Variants in PCDHA6 observed in about 807,000 individuals in gnomAD.
PCDHA6 encodes the protein protocadherin alpha-6.
In PCDHA6, 55 loss-of-function variants were observed where a neutral mutation model predicts 60.3. The observed-to-expected ratio is 0.91, with a 90% CI of 0.73 to 1.14. The LOEUF (loss-of-function observed/expected upper bound fraction) is 1.14, where lower values mean the gene tolerates loss of function less well. Ranked by LOEUF, PCDHA6 falls within the 50% of genes most tolerant of loss-of-function variation. The pLI is 0.00. For synonymous variants in PCDHA6, 652 were observed against 557.9 expected (o/e 1.17, Z -2.38); for missense variants, 1,327 against 1,256.5 (o/e 1.06, Z -0.85).
intron 1 of PCDHA6, among the ~76,000 whole-genome samples, chr5:140,873,504 T>TTTTTTTTTTTTTTTTTTTTTTTGAG: frequency 6.6e-6 from 1 of 152,256 alleles, no homozygotes; most frequent in South Asian, 2.1e-4. Context: ...TTGTGTCTTT[T>TTTTTTTTTTTTTTTTTTTTTTTGAG]ATACTTAATG....
In PCDHA6 at chr5:140,982,542, A is replaced by T; in HGVS notation, c.2521A>T (p.Thr841Ser). 6.2e-7 allele frequency: 1 copy of T among 1,614,210 alleles called. No individual in the cohort carries two copies. Among genetic ancestry groups the T allele is most frequent in the Non-Finnish European group, 8.5e-7 (1 of 1,180,042 alleles). The change falls in exon 3 of 4, where the codon ACA becomes TCA. Residue 841 changes from threonine (T) to serine (S), a missense_variant. Transcript: ENST00000529310. ...AGGAGGGCCTGATCAGCAGTGGCCA[A>T]CAGTATCCAGTGCAACACCAGGTAA... is the stretch of plus-strand genomic sequence containing the variant. The part of the protein sequence containing the change: ...GPGGPDQQWP[T>S]VSSATPEPEA...
intron 1 of PCDHA6, among the ~76,000 whole-genome samples, chr5:140,895,055 A>T (rs1313066261): frequency 2.0e-5 from 3 of 152,118 alleles, no homozygotes; most frequent in Non-Finnish European, 4.4e-5. Flanking sequence ...ATTCTGCTTC[A>T]TATGGACTCA....
intron 1 of PCDHA6, chr5:140,969,130 C>A (rs1353677478): frequency 2.5e-6 from 4 of 1,614,132 alleles, no homozygotes; most frequent in Non-Finnish European, 1.7e-6. Context: ...GCTCCCTCAC[C>A]AAGACCTACT....
At chr5:140,928,332 C>T in intron 1 of PCDHA6, 1 of 1,614,182 alleles carries the variant, frequency 6.2e-7, no homozygotes, top group Non-Finnish European at 8.5e-7. Context: ...ATGGCCTTGT[C>T]TCTTATGAGC....
chr5:140,839,283 C>A (rs1309701563), intron 1 of PCDHA6, among the ~76,000 whole-genome samples: 1 of 151,960 alleles, frequency 6.6e-6, no homozygotes, highest in Non-Finnish European at 1.5e-5. Context: ...ACCTTCCTAG[C>A]ATATTATTAA....
intron 3 of PCDHA6, among the ~76,000 whole-genome samples, chr5:141,005,899 A>G (rs2098245270): frequency 6.6e-6 from 1 of 151,978 alleles, no homozygotes; most frequent in East Asian, 1.9e-4. Flanking sequence ...TCAAGCAATG[A>G]TTGCACCACT....
At chr5:140,902,905 G>A (rs933013740) in intron 1 of PCDHA6, among the ~76,000 whole-genome samples, 3 of 152,174 alleles carry the variant, frequency 2.0e-5, no homozygotes, top group Admixed American at 6.5e-5. Flanking sequence ...TTTAGTTTAT[G>A]GCTGAGTAGT....
Position 140,843,481 on chromosome 5 carries a change from G to A in PCDHA6, c.2394+12996G>A, listed in dbSNP as rs1554140132. ...TGCTCACGCTGCTGCTGTACACTGCGCTGCGGTGCTCAGCACTGCCCACTG... is the reference window on the plus strand; with the variant it reads ...TGCTCACGCTGCTGCTGTACACTGCACTGCGGTGCTCAGCACTGCCCACTG... On this transcript the variant is annotated intron_variant, in intron 1 of 3. Transcript: ENST00000529310. 3.1e-6 allele frequency: 5 copies of A among 1,595,902 alleles called. 1 individual carries two copies. The Admixed American group carries it at 8.4e-5, about 27-fold the overall frequency.
chr5:141,005,000 G>A (rs2098192261), intron 3 of PCDHA6, among the ~76,000 whole-genome samples: 1 of 152,176 alleles, frequency 6.6e-6, no homozygotes, highest in Non-Finnish European at 1.5e-5. Context: ...GGTCTCCTAA[G>A]CCCTGAGAGC....
At chr5:140,838,559 T>C (rs1251865837) in intron 1 of PCDHA6, among the ~76,000 whole-genome samples, 1 of 152,048 alleles carries the variant, frequency 6.6e-6, no homozygotes, top group Non-Finnish European at 1.5e-5. Context: ...ATTCATCCAG[T>C]ACTGTATTAG....
intron 3 of PCDHA6, among the ~76,000 whole-genome samples, chr5:140,994,883 A>T (rs1197020328): frequency 6.6e-6 from 1 of 152,222 alleles, no homozygotes; most frequent in Non-Finnish European, 1.5e-5. Flanking sequence ...AAGAGATGTT[A>T]GGAAATGAGA....
intron 1 of PCDHA6, chr5:140,878,017 G>A: frequency 1.2e-6 from 1 of 800,034 alleles, no homozygotes; most frequent in Non-Finnish European, 1.8e-6. Flanking sequence ...ATTAATGAAG[G>A]AAATATGTAG....
chr5:140,835,829 G>A (rs2150246092), intron 1 of PCDHA6: 8 of 1,612,356 alleles, frequency 5.0e-6, no homozygotes, highest in African/African-American at 1.3e-5. Flanking sequence ...CGGGGGACGC[G>A]GACGCGCAGA....
At chr5:140,876,810 C>A in intron 1 of PCDHA6, 2 of 1,614,154 alleles carry the variant, frequency 1.2e-6, no homozygotes, top group Non-Finnish European at 1.7e-6. Flanking sequence ...TGGAGGTGGC[C>A]GACGTGAACG....
intron 1 of PCDHA6, among the ~76,000 whole-genome samples, chr5:140,950,612 T>A (rs2094502401): frequency 6.6e-6 from 1 of 152,072 alleles, no homozygotes; most frequent in Non-Finnish European, 1.5e-5. Flanking sequence ...ATGATGTGCT[T>A]ATTTATGCTT....
At chr5:140,836,871 T>C in intron 1 of PCDHA6, 1 of 696,422 alleles carries the variant, frequency 1.4e-6, no homozygotes, top group South Asian at 2.4e-5. Context: ...TGTTATGCTG[T>C]ATTTGCACTA....
At position 140,929,224 on chromosome 5, in the gene PCDHA6, G is replaced by A. The variant is rs138816649; in HGVS notation, c.2395-49725G>A. 8.1e-6 allele frequency: 13 copies of A among 1,613,792 alleles called. No individual in the cohort carries two copies. In the African/African-American group the frequency reaches 1.5e-4, roughly 18 times the overall value. ...GCTGTTGCGTGGGGAGTACAATGCT[G>A]CCGACCTGCGAAATCTTGCCACTGG... On this transcript the variant is annotated intron_variant, in intron 1 of 3. Transcript: ENST00000529310.
intron 1 of PCDHA6, among the ~76,000 whole-genome samples, chr5:140,896,950 C>A (rs996950218): frequency 6.6e-6 from 1 of 152,106 alleles, no homozygotes; most frequent in Non-Finnish European, 1.5e-5. Context: ...TGGCCATTCC[C>A]TTAAACATTT....
intron 1 of PCDHA6, among the ~76,000 whole-genome samples, chr5:140,949,636 T>C (rs1047386786): frequency 1.3e-5 from 2 of 151,898 alleles, no homozygotes; most frequent in Non-Finnish European, 3.0e-5. Context: ...GGCATATTGC[T>C]TTTTGTTCAT....
Sources: gnomAD v4.1 joint callset for allele counts (sites outside exome capture counted in the v4.1 genomes callset) on GRCh38, gnomAD v4.1.1 for gene constraint, MANE v1.5 for transcripts, NCBI Gene and HGNC (gene_info 2026-07-23, HGNC 2026-07-21) for gene names.